QDPR: variants seen among roughly 807,000 people sequenced by gnomAD.
The protein encoded by QDPR is dihydropteridine reductase.
Under a neutral mutation model 31.7 loss-of-function variants are expected in QDPR, and 23 were observed. The observed-to-expected ratio is 0.73, with a 90% confidence interval of 0.52 to 1.03. The LOEUF (loss-of-function observed/expected upper bound fraction) is 1.03. QDPR is among the 50% of genes least tolerant of loss of function. QDPR has a pLI of 0.00. For synonymous variants in QDPR, 124 were observed against 124.7 expected, an observed-to-expected ratio of 0.99 and a Z score of 0.03; for missense variants, 324 against 323.8, an observed-to-expected ratio of 1.00 and a Z score of 0.00.
intron 1 of QDPR, 67 bp from the exon 2 acceptor site, chr4:17,509,430 G>A: frequency 7.1e-7 from 1 of 1,404,736 alleles, no homozygotes; most frequent in Non-Finnish European, 1.0e-6. Flanking sequence ...GTCACACATA[G>A]AAATGAGGGG....
intron 5 of QDPR, 105 bp downstream of exon 5, chr4:17,492,127 G>T: frequency 1.2e-6 from 1 of 833,454 alleles, no homozygotes; most frequent in South Asian, 1.6e-5. Context: ...AGAACCAGAG[G>T]TGAGAGCACA....
Position 17,504,391 on chromosome 4 carries a change from C to G in QDPR, c.283G>C (p.Ala95Pro). 6.2e-7 allele frequency: 1 copy of G among 1,613,904 alleles called. No homozygotes were observed. Among genetic ancestry groups the G allele is most frequent in the Non-Finnish European group, 8.5e-7 (1 of 1,179,774 alleles). ...GGAAAGGACTCACACTTGGATTTGG[C>G]ATTGCCCCCGGCCCATCCTCCAGCA... ...CVAGGWAGGN[A>P]KSKSLFKNCD... is the part of the protein sequence containing the mutation. The change falls in exon 3 of 7, where the codon GCC becomes CCC. Residue 95 changes from alanine (A) to proline (P), a missense_variant. Coordinates refer to ENST00000281243, the MANE Select transcript of QDPR (RefSeq NM_000320.3).
chr4:17,496,215 G>A (rs1398608428), intron 4 of QDPR, among the ~76,000 whole-genome samples: 1 of 151,816 alleles, frequency 6.6e-6, no homozygotes, highest in East Asian at 1.9e-4. Context: ...GGAGGCCAAG[G>A]CAGGTGGATC....
At chr4:17,488,423 A>T (rs1718046467) in intron 6 of QDPR, among the ~76,000 whole-genome samples, 1 of 152,178 alleles carries the variant, frequency 6.6e-6, no homozygotes, top group Non-Finnish European at 1.5e-5. Context: ...GAGTACCCAC[A>T]GCTGCACCAA....
intron 5 of QDPR, 47 bp downstream of exon 5, chr4:17,492,185 G>A: frequency 2.0e-6 from 3 of 1,511,710 alleles, no homozygotes; most frequent in Non-Finnish European, 1.8e-6. Flanking sequence ...GTCACCTGCA[G>A]CAGTGGGGCA....
intron 2 of QDPR, among the ~76,000 whole-genome samples, chr4:17,508,623 T>C (rs1718874487): frequency 1.6e-5 from 2 of 127,502 alleles, no homozygotes; most frequent in African/African-American, 6.1e-5. Flanking sequence ...TCTGGAGAAT[T>C]ATTTAAGTAT....
intron 6 of QDPR, 110 bp from the exon 7 acceptor site, chr4:17,487,346 C>T (rs1455458633): frequency 9.6e-6 from 8 of 830,162 alleles, no homozygotes; most frequent in South Asian, 1.4e-5. Context: ...GGCACAGCAG[C>T]GACTGTTTAA....
At chr4:17,499,646 G>GT (rs35198436) in intron 4 of QDPR, among the ~76,000 whole-genome samples, 10,720 of 152,262 alleles carry the variant, frequency 0.07, 931 homozygotes, top group East Asian at 0.44. Context: ...GGGGCCTGGC[G>GT]TAGTGGCTCA....
intron 2 of QDPR, 38 bp from the exon 3 acceptor site, chr4:17,504,513 G>A (rs756693548): frequency 1.3e-6 from 2 of 1,517,906 alleles, no homozygotes; most frequent in Non-Finnish European, 1.8e-6. Flanking sequence ...AAACTGTAAG[G>A]TAAGCCAACA....
chr4:17,503,793 T>C (rs904906388), intron 3 of QDPR, among the ~76,000 whole-genome samples: 1 of 151,892 alleles, frequency 6.6e-6, no homozygotes, highest in Admixed American at 6.6e-5. Context: ...CTACTAAAAA[T>C]ACAAAAAATT....
intron 2 of QDPR, among the ~76,000 whole-genome samples, chr4:17,508,968 C>G (rs568408549): frequency 1.7e-4 from 26 of 152,024 alleles, no homozygotes; most frequent in African/African-American, 6.0e-4. Context: ...ATCAGCCTGG[C>G]CAACATGGTG....
intron 4 of QDPR, among the ~76,000 whole-genome samples, chr4:17,496,505 T>C (rs1233908732): frequency 1.4e-5 from 2 of 143,956 alleles, no homozygotes; most frequent in Non-Finnish European, 3.0e-5. Flanking sequence ...ATTAAAACTA[T>C]GGTAGGTGAT....
chr4:17,507,783 T>C (rs1035334978), intron 2 of QDPR, among the ~76,000 whole-genome samples: 2 of 152,052 alleles, frequency 1.3e-5, no homozygotes, highest in Admixed American at 1.3e-4. Context: ...TTTGTATTTT[T>C]AGTAGAGACG....
At chr4:17,505,703 A>T (rs1025429027) in intron 2 of QDPR, among the ~76,000 whole-genome samples, 4 of 152,252 alleles carry the variant, frequency 2.6e-5, no homozygotes, top group Admixed American at 6.5e-5. Flanking sequence ...AGTTTTTTTT[A>T]AAAAAGACTT....
At chr4:17,511,619 C>A (rs923756001) in intron 1 of QDPR, among the ~76,000 whole-genome samples, 1 of 152,098 alleles carries the variant, frequency 6.6e-6, no homozygotes, top group Non-Finnish European at 1.5e-5. Context: ...CATTCTAGAG[C>A]CTTCCTTCTA....
chr4:17,487,644 A>C (rs1718014900), intron 6 of QDPR, among the ~76,000 whole-genome samples: 1 of 151,270 alleles, frequency 6.6e-6, no homozygotes, highest in Non-Finnish European at 1.5e-5. Flanking sequence ...CGTCTCACAA[A>C]AAATAATAAA....
intron 4 of QDPR, among the ~76,000 whole-genome samples, chr4:17,498,641 C>A (rs1181397573): frequency 6.6e-6 from 1 of 152,232 alleles, no homozygotes. Context: ...TTCCAAATTA[C>A]TGAATGATCA....
chr4:17,498,927 C>G (rs1302979228), intron 4 of QDPR, among the ~76,000 whole-genome samples: 1 of 152,158 alleles, frequency 6.6e-6, no homozygotes, highest in African/African-American at 2.4e-5. Flanking sequence ...CTGCAGCATA[C>G]TTAAAAGATC....
At chr4:17,510,205 C>T (rs926685703) in intron 1 of QDPR, among the ~76,000 whole-genome samples, 2 of 152,208 alleles carry the variant, frequency 1.3e-5, no homozygotes, top group African/African-American at 4.8e-5. Flanking sequence ...GGATCCCTGT[C>T]CTGCAGCAGA....
Sources: gnomAD v4.1 joint callset for allele counts (sites outside exome capture counted in the v4.1 genomes callset) on GRCh38, gnomAD v4.1.1 for gene constraint, MANE v1.5 for transcripts, NCBI Gene and HGNC (gene_info 2026-07-23, HGNC 2026-07-21) for gene names.